PGBD5: variants seen among roughly 807,000 people sequenced by gnomAD.
PGBD5 encodes the protein piggyBac transposable element-derived protein 5.
PGBD5 carries 14 observed loss-of-function variants against 47.9 expected under a neutral mutation model. The observed-to-expected ratio is 0.29, with a 90% CI of 0.19 to 0.46. The LOEUF (loss-of-function observed/expected upper bound fraction) is 0.46, where lower values mean the gene tolerates loss of function less well. Among genes scored for constraint, PGBD5 ranks in the 20% least tolerant of loss-of-function variants. The probability of loss-of-function intolerance (pLI) is 1.00; values close to 1 mark genes in which losing one functional copy is unlikely to be tolerated. For synonymous variants in PGBD5, 316 were observed against 306.3 expected (o/e 1.03, Z -0.33); for missense variants, 635 against 716.0 (o/e 0.89, Z 1.29).
intron 1 of PGBD5, among the ~76,000 whole-genome samples, chr1:230,390,746 T>G (rs1656762887): frequency 6.6e-6 from 1 of 151,992 alleles, no homozygotes; most frequent in Non-Finnish European, 1.5e-5. Flanking sequence ...TGCCAGTTTT[T>G]TTTGTTTGTT....
At chr1:230,415,562 C>T (rs1657494452) in intron 1 of PGBD5, among the ~76,000 whole-genome samples, 1 of 152,202 alleles carries the variant, frequency 6.6e-6, no homozygotes. Flanking sequence ...TGCTGCCTGG[C>T]AGAGATGAGT....
At chr1:230,413,568 G>A (rs1657457320) in intron 1 of PGBD5, among the ~76,000 whole-genome samples, 1 of 151,928 alleles carries the variant, frequency 6.6e-6, no homozygotes, top group African/African-American at 2.4e-5. Context: ...ATTGAGAGCA[G>A]GTATAAAAAA....
chr1:230,391,990 C>T (rs772531610), intron 1 of PGBD5, among the ~76,000 whole-genome samples: 7 of 152,132 alleles, frequency 4.6e-5, no homozygotes, highest in Non-Finnish European at 7.3e-5. Context: ...TTTAATGATG[C>T]GGTTAGAAAG....
intron 3 of PGBD5, among the ~76,000 whole-genome samples, chr1:230,337,871 C>T (rs771941102): frequency 3.7e-4 from 57 of 152,238 alleles, no homozygotes; most frequent in Non-Finnish European, 6.9e-4. Flanking sequence ...TTTTAAACGT[C>T]GTTTCATGCT....
chr1:230,421,385 G>GA (rs1001576558), intron 1 of PGBD5, among the ~76,000 whole-genome samples: 3 of 151,624 alleles, frequency 2.0e-5, no homozygotes, highest in Non-Finnish European at 2.9e-5. Context: ...TCTAGTAAAA[G>GA]AAAAAAAAGG....
intron 1 of PGBD5, among the ~76,000 whole-genome samples, chr1:230,399,793 T>C (rs1657089954): frequency 6.6e-6 from 1 of 152,158 alleles, no homozygotes; most frequent in South Asian, 2.1e-4. Context: ...TTGCCGCAGA[T>C]CCTTCCAATA....
At chr1:230,393,328 A>G (rs982148737) in intron 1 of PGBD5, among the ~76,000 whole-genome samples, 3 of 151,546 alleles carry the variant, frequency 2.0e-5, no homozygotes, top group Non-Finnish European at 4.4e-5. Context: ...TGCTGTGCTC[A>G]GGGCCAGTGC....
chr1:230,382,116 C>T (rs911166003), intron 1 of PGBD5, among the ~76,000 whole-genome samples: 7 of 152,198 alleles, frequency 4.6e-5, no homozygotes, highest in East Asian at 1.9e-4. Context: ...TGTCAGCCCA[C>T]GTGGTTACTG....
chr1:230,396,517 G>T (rs1013218545), intron 1 of PGBD5, among the ~76,000 whole-genome samples: 1 of 138,794 alleles, frequency 7.2e-6, no homozygotes, highest in Non-Finnish European at 1.5e-5. Context: ...ATACTATCAG[G>T]TTCTCCTTCC....
In PGBD5 at chr1:230,356,875, C is replaced by T. The variant is rs370899739; in HGVS notation, c.759+19G>A. On this transcript the variant is annotated intron_variant, in intron 2 of 6. Coordinates refer to ENST00000391860, the MANE Select transcript of PGBD5 (RefSeq NM_001258311.2). ...GCGAGGACACCTGGACAAGCTCTTA[C>T]GTCCTGCGTGGGCCTCACCTGGGTT... is the stretch of plus-strand genomic sequence containing the variant. The T allele has an allele frequency of 4.4e-6, 7 of 1,605,734 alleles. No individual in the cohort carries two copies. The highest frequency in any genetic ancestry group is 1.3e-5 in the African/African-American group (1 of 74,906).
chr1:230,333,012 G>T lies in PGBD5; in HGVS notation c.1105C>A (p.Arg369=), dbSNP rs748504542. The part of the protein sequence containing the change: ...GIYCCGLLRA[R]KSDCTGLPLS... ...GGGAGGCCGGTGCAGTCACTCTTCCGCGCGCGGAGCAAGCCGCAGCAGTAA... is the reference window on the plus strand; with the variant it reads ...GGGAGGCCGGTGCAGTCACTCTTCCTCGCGCGGAGCAAGCCGCAGCAGTAA... Residue 369 remains arginine (R), a synonymous_variant, in exon 5 of 7, where the codon CGG becomes AGG. Coordinates refer to ENST00000391860, the MANE Select transcript of PGBD5 (RefSeq NM_001258311.2). The T allele has an allele frequency of 6.2e-7, 1 of 1,606,802 alleles. No homozygotes were observed. The highest frequency in any genetic ancestry group is 1.3e-5 in the African/African-American group (1 of 74,880).
chr1:230,329,597 T>TG (rs748233954), intron 5 of PGBD5, among the ~76,000 whole-genome samples: 14 of 152,210 alleles, frequency 9.2e-5, no homozygotes, highest in Non-Finnish European at 1.8e-4. Context: ...CTGCAACCTC[T>TG]GTCTCCCAGG....
chr1:230,398,273 T>C (rs1657049238), intron 1 of PGBD5, among the ~76,000 whole-genome samples: 1 of 152,186 alleles, frequency 6.6e-6, no homozygotes, highest in South Asian at 2.1e-4. Context: ...TATCTCACAG[T>C]GCTGGAGGCG....
chr1:230,381,455 C>T (rs1450665816), intron 1 of PGBD5, among the ~76,000 whole-genome samples: 2 of 152,220 alleles, frequency 1.3e-5, no homozygotes, highest in Admixed American at 6.5e-5. Flanking sequence ...GGCCAGGGGC[C>T]GCCACTGGAT....
chr1:230,344,295 AAAG>A (rs1177965577), intron 3 of PGBD5, among the ~76,000 whole-genome samples: 6 of 152,158 alleles, frequency 3.9e-5, no homozygotes, highest in East Asian at 1.9e-4. Flanking sequence ...CAAAAAAAAA[AAAG>A]AAGGTGAGAT....
In PGBD5 at chr1:230,339,350, T is replaced by C. The variant is rs181793450; in HGVS notation, c.895-2062A>G. On this transcript the variant is annotated intron_variant, in intron 3 of 6. Coordinates refer to ENST00000391860, the MANE Select transcript of PGBD5 (RefSeq NM_001258311.2). ...AGTGAGGATGTAGGGAAATGAGCACTGTGCTGATTTGGTATAAATACGCAT... is the reference window on the plus strand; with the variant it reads ...AGTGAGGATGTAGGGAAATGAGCACCGTGCTGATTTGGTATAAATACGCAT... 4.8e-3 allele frequency among the ~76,000 whole-genome samples: 735 copies of C among 152,338 alleles called. 3 individuals are homozygous for C. Among genetic ancestry groups the C allele is most frequent in the Non-Finnish European group, 7.9e-3 (538 of 68,034 alleles).
chr1:230,383,148 T>C (rs59201794), intron 1 of PGBD5, among the ~76,000 whole-genome samples: 13,405 of 151,726 alleles, frequency 0.088, 923 homozygotes, highest in African/African-American at 0.19. Flanking sequence ...CGGCTCACTG[T>C]AACCTTGACC....
At chr1:230,388,447 G>T (rs1656704626) in intron 1 of PGBD5, among the ~76,000 whole-genome samples, 1 of 145,380 alleles carries the variant, frequency 6.9e-6, no homozygotes, top group Admixed American at 7.1e-5. Flanking sequence ...ATGGAGTCTC[G>T]CTCTGTCGCC....
chr1:230,393,134 A>T (rs1195615376), intron 1 of PGBD5, among the ~76,000 whole-genome samples: 2 of 118,288 alleles, frequency 1.7e-5, no homozygotes, highest in African/African-American at 3.2e-5. Context: ...AAAGAAGGGT[A>T]GGGGAGGAAG....
Sources: gnomAD v4.1 joint callset for allele counts (sites outside exome capture counted in the v4.1 genomes callset) on GRCh38, gnomAD v4.1.1 for gene constraint, MANE v1.5 for transcripts, NCBI Gene and HGNC (gene_info 2026-07-23, HGNC 2026-07-21) for gene names.